The following CREB3L1 variants were observed in gnomAD, a reference collection of about 807,000 sequenced individuals.
CREB3L1 encodes cyclic AMP-responsive element-binding protein 3-like protein 1.
CREB3L1 carries 33 observed loss-of-function variants against 54.5 expected under a neutral mutation model. The ratio of observed to expected loss-of-function variants is 0.61; its 90% CI spans 0.46 to 0.81. The LOEUF (loss-of-function observed/expected upper bound fraction) is 0.81, where lower values mean the gene tolerates loss of function less well. CREB3L1 is among the 30% of genes least tolerant of loss of function. The pLI is 0.00. For synonymous variants in CREB3L1, 284 were observed against 286.4 expected, an observed-to-expected ratio of 0.99 and a Z score of 0.08; for missense variants, 656 against 673.3, an observed-to-expected ratio of 0.97 and a Z score of 0.29.
chr11:46,301,004 C>CA (rs57840608), intron 2 of CREB3L1, among the ~76,000 whole-genome samples: 8,562 of 37,218 alleles, frequency 0.23, 947 homozygotes, highest in Non-Finnish European at 0.26. Context: ...GACTCCATCT[C>CA]AAAAAAAAAA....
chr11:46,281,551 C>T (rs1414349133), intron 1 of CREB3L1, among the ~76,000 whole-genome samples: 2 of 152,212 alleles, frequency 1.3e-5, no homozygotes, highest in East Asian at 3.9e-4. Flanking sequence ...GCCCAGCACA[C>T]CCGTTTACTC....
At chr11:46,300,666 C>T (rs1385250445) in intron 2 of CREB3L1, among the ~76,000 whole-genome samples, 3 of 151,118 alleles carry the variant, frequency 2.0e-5, no homozygotes, top group South Asian at 4.2e-4. Flanking sequence ...GTCAGGAGTT[C>T]GAGACCAGCC....
rs945022538 is a variant in CREB3L1, at chr11:46,278,841, C to A, written c.102+628C>A. On this transcript the variant is annotated intron_variant, in intron 1 of 11. Transcript: ENST00000621158. The surrounding 1 kb of genome is among the most constrained non-coding windows in gnomAD (Gnocchi z 4.2). ...CATTTCTCTCCATCTGCCTCTAGAT[C>A]TCTGCTCTGTCCCTCTGTTCCTGGA... 6.6e-6 allele frequency among the ~76,000 whole-genome samples: 1 copy of A among 152,212 alleles called. No homozygotes were observed. The highest frequency in any genetic ancestry group is 2.1e-4 in the South Asian group (1 of 4,834).
At chr11:46,294,034 G>C (rs1366671270) in intron 1 of CREB3L1, among the ~76,000 whole-genome samples, 1 of 152,146 alleles carries the variant, frequency 6.6e-6, no homozygotes, top group Non-Finnish European at 1.5e-5. Context: ...TGAATGTGTC[G>C]ATGAGTGTAC....
At chr11:46,303,771 C>T (rs1939335696) in intron 2 of CREB3L1, among the ~76,000 whole-genome samples, 1 of 151,768 alleles carries the variant, frequency 6.6e-6, no homozygotes, top group Non-Finnish European at 1.5e-5. Flanking sequence ...GAGGCCGAGG[C>T]AGGAGGATTG....
intron 1 of CREB3L1, among the ~76,000 whole-genome samples, chr11:46,291,286 A>G (rs1939125642): frequency 6.6e-6 from 1 of 152,210 alleles, no homozygotes; most frequent in Admixed American, 6.5e-5. Flanking sequence ...CTTCATCTGT[A>G]ATAATAACAG....
chr11:46,301,004 CAAA>C (rs57840608), intron 2 of CREB3L1, among the ~76,000 whole-genome samples: 1 of 37,662 alleles, frequency 2.7e-5, no homozygotes, highest in Non-Finnish European at 4.8e-5. Context: ...GACTCCATCT[CAAA>C]AAAAAAAAAA....
chr11:46,279,519 T>A (rs1458191483), intron 1 of CREB3L1, among the ~76,000 whole-genome samples: 1 of 152,198 alleles, frequency 6.6e-6, no homozygotes, highest in Admixed American at 6.5e-5. Flanking sequence ...TTGCATTGAC[T>A]GCAGCGAGAC....
At chr11:46,303,137 G>C (rs1939328461) in intron 2 of CREB3L1, among the ~76,000 whole-genome samples, 1 of 152,154 alleles carries the variant, frequency 6.6e-6, no homozygotes. Context: ...GGGCAGCCAG[G>C]GCTATTTGGT....
At chr11:46,316,229 G>C in intron 8 of CREB3L1, 57 bp from the exon 9 acceptor site, 1 of 1,124,956 alleles carries the variant, frequency 8.9e-7, no homozygotes, top group Non-Finnish European at 1.3e-6. Flanking sequence ...AGAGCTCCAG[G>C]AGGCAGAGAT....
At chr11:46,319,464 A>G (rs1053522439) in intron 10 of CREB3L1, among the ~76,000 whole-genome samples, 11 of 152,220 alleles carry the variant, frequency 7.2e-5, no homozygotes, top group Non-Finnish European at 1.3e-4. Context: ...ACTTAGGTCT[A>G]TGGGCCTTGG....
intron 1 of CREB3L1, among the ~76,000 whole-genome samples, chr11:46,292,857 A>G (rs1453746233): frequency 1.3e-5 from 2 of 152,040 alleles, no homozygotes; most frequent in African/African-American, 2.4e-5. Flanking sequence ...CTTGGCCTCA[A>G]GCAATCTTCC....
chr11:46,299,891 A>G, intron 1 of CREB3L1, 44 bp from the exon 2 acceptor site: 1 of 1,496,218 alleles, frequency 6.7e-7, no homozygotes, highest in Non-Finnish European at 9.3e-7. Flanking sequence ...CCCCTTCCCA[A>G]GCAAAGCTGA....
chr11:46,310,596 A>G (rs1340003543), intron 4 of CREB3L1, among the ~76,000 whole-genome samples: 1 of 151,412 alleles, frequency 6.6e-6, no homozygotes, highest in African/African-American at 2.4e-5. Context: ...TGCCCAATCT[A>G]CTGCTGCCAT....
intron 1 of CREB3L1, among the ~76,000 whole-genome samples, chr11:46,294,229 T>C (rs1319203793): frequency 6.6e-6 from 1 of 152,134 alleles, no homozygotes; most frequent in African/African-American, 2.4e-5. Flanking sequence ...AGCAGCCGCC[T>C]TCCCTAGGCC....
intron 1 of CREB3L1, among the ~76,000 whole-genome samples, chr11:46,284,163 C>A (rs1217665341): frequency 6.6e-6 from 1 of 152,140 alleles, no homozygotes; most frequent in Non-Finnish European, 1.5e-5. Flanking sequence ...CACACTTGAC[C>A]CTCCAGTCAA....
chr11:46,294,619 C>T (rs186303398), intron 1 of CREB3L1, among the ~76,000 whole-genome samples: 175 of 152,168 alleles, frequency 1.2e-3, no homozygotes, highest in African/African-American at 4.1e-3. Flanking sequence ...GAAGGCAAGG[C>T]CTGGGCCTCG....
chr11:46,311,548 G>T, intron 5 of CREB3L1, among the ~76,000 whole-genome samples: 1 of 149,892 alleles, frequency 6.7e-6, no homozygotes. Flanking sequence ...TCTGTCGCCT[G>T]GAGTGCAGTG....
At chr11:46,300,372 C>T (rs1939278643) in intron 2 of CREB3L1, among the ~76,000 whole-genome samples, 1 of 152,196 alleles carries the variant, frequency 6.6e-6, no homozygotes, top group East Asian at 1.9e-4. Flanking sequence ...GGGTTTTTTG[C>T]TGACTTAAGT....
Sources: allele counts gnomAD v4.1 joint callset (sites outside exome capture counted in the v4.1 genomes callset), GRCh38; gene constraint gnomAD v4.1.1; non-coding constraint Gnocchi (gnomAD v3.1); transcripts MANE v1.5; gene names NCBI Gene and HGNC (gene_info 2026-07-23, HGNC 2026-07-21).